Variants in ADGRL2 observed in about 807,000 individuals in gnomAD.
ADGRL2 encodes the protein calcium-independent alpha-latrotoxin receptor 2.
A neutral mutation model predicts 157.4 loss-of-function variants in ADGRL2; 44 were observed. The observed-to-expected ratio is 0.28, with a 90% CI of 0.22 to 0.36. ADGRL2 has a LOEUF of 0.36. Among genes scored for constraint, ADGRL2 ranks in the 10% least tolerant of loss-of-function variants. The probability of loss-of-function intolerance (pLI) is 1.00; values close to 1 mark genes in which losing one functional copy is unlikely to be tolerated. For missense variants in ADGRL2, 1,510 were observed against 1,768.9 expected, an observed-to-expected ratio of 0.85 and a Z score of 2.63; for synonymous variants, 585 against 624.7, an observed-to-expected ratio of 0.94 and a Z score of 0.95.
At chr1:81,836,639 T>A (rs2150189150) in intron 1 of ADGRL2, among the ~76,000 whole-genome samples, 1 of 152,206 alleles carries the variant, frequency 6.6e-6, no homozygotes, top group African/African-American at 2.4e-5. Flanking sequence ...CCTTTGTATA[T>A]GGCATTATTT....
chr1:81,782,366 A>T (rs1571202220), intron 2 of ADGRL2, among the ~76,000 whole-genome samples: 2 of 152,220 alleles, frequency 1.3e-5, no homozygotes, highest in East Asian at 3.9e-4. Flanking sequence ...GTATTATTTT[A>T]TCAGTATAAT....
chr1:81,816,944 A>T (rs1036275876), intron 1 of ADGRL2, among the ~76,000 whole-genome samples: 6 of 149,982 alleles, frequency 4.0e-5, no homozygotes, highest in Non-Finnish European at 8.9e-5. Flanking sequence ...ATGAATGTTG[A>T]ATTCTTAGTT....
chr1:81,568,854 T>A (rs981372444), intron 2 of ADGRL2, among the ~76,000 whole-genome samples: 5 of 152,156 alleles, frequency 3.3e-5, no homozygotes, highest in African/African-American at 1.2e-4. Flanking sequence ...ACCTATGTTC[T>A]TGGATAGCAG....
In ADGRL2 at chr1:81,968,180, TG is replaced by T. The variant is rs761926681; in HGVS notation, c.2506del (p.Ala836ProfsTer67). ...CACCTAACCAATTTTGCAATTCTCA[TG>T]GCCCACAGGGAAATTGCAGTAAGTA... ...CSHLTNFAILMAHREIAYKDG... is the reference protein window; with the variant it reads ...CSHLTNFAILXAHREIAYKDG... On this transcript the variant is annotated frameshift_variant, in exon 14 of 24. Transcript: ENST00000686636. LOFTEE classifies it high-confidence loss of function. 6.2e-7 allele frequency: 1 copy of T among 1,611,946 alleles called. No individual in the cohort carries two copies.
chr1:81,842,483 A>G (rs1428886246), intron 2 of ADGRL2, among the ~76,000 whole-genome samples: 1 of 148,620 alleles, frequency 6.7e-6, no homozygotes, highest in African/African-American at 2.5e-5. Context: ...TCAGCCTCCC[A>G]AGTAGCTGGG....
chr1:81,578,958 CCTT>C (rs1424110267), intron 2 of ADGRL2, among the ~76,000 whole-genome samples: 2 of 152,156 alleles, frequency 1.3e-5, no homozygotes, highest in Non-Finnish European at 1.5e-5. Flanking sequence ...AATGTCCTCT[CCTT>C]CTTGTTAATG....
chr1:81,329,585 T>A (rs2100685324), intron 1 of ADGRL2, among the ~76,000 whole-genome samples: 1 of 152,306 alleles, frequency 6.6e-6, no homozygotes, highest in African/African-American at 2.4e-5. Flanking sequence ...TTAGCTAAGA[T>A]CTTTTAGCTT....
intron 1 of ADGRL2, among the ~76,000 whole-genome samples, chr1:81,429,166 T>C (rs2077274456): frequency 6.6e-6 from 1 of 152,058 alleles, no homozygotes; most frequent in Admixed American, 6.6e-5. Flanking sequence ...TGACCCACTC[T>C]TGTTAGTAGT....
intron 1 of ADGRL2, among the ~76,000 whole-genome samples, chr1:81,746,999 CGT>C (rs1557615719): frequency 3.7e-4 from 53 of 142,890 alleles, no homozygotes; most frequent in South Asian, 9.0e-4. Context: ...TACGTATATA[CGT>C]GTATACACAC....
intron 1 of ADGRL2, among the ~76,000 whole-genome samples, chr1:81,353,824 C>T (rs1339754626): frequency 6.6e-6 from 1 of 152,144 alleles, no homozygotes; most frequent in African/African-American, 2.4e-5. Flanking sequence ...GAAGCCTTGA[C>T]AGGCTAGCTG....
chr1:81,905,249 C>T (rs1238994143), intron 2 of ADGRL2, among the ~76,000 whole-genome samples: 1 of 151,988 alleles, frequency 6.6e-6, no homozygotes, highest in Non-Finnish European at 1.5e-5. Context: ...AGGCATGCGC[C>T]ACCACACCCG....
chr1:81,993,079 ATATATATATTTTTTTTTTTTTT>A lies in ADGRL2; in HGVS notation c.*1936_*1957del, dbSNP rs1433976575. On this transcript the variant is annotated 3_prime_UTR_variant, in exon 24 of 24. Coordinates refer to ENST00000686636, the MANE Select transcript of ADGRL2 (RefSeq NM_001366006.2). ...TATACATATATATATATATATATATATATATATATTTTTTTTTTTTTTTTTTTTTTTTTTTTTTTTGGGACAG... is the reference window on the plus strand; with the variant it reads ...TATACATATATATATATATATATATATTTTTTTTTTTTTTTTTTGGGACAG... Among the ~76,000 whole-genome samples the A allele has an allele frequency of 1.1e-4, 3 of 27,514 alleles. No homozygotes were observed. The highest frequency in any genetic ancestry group is 1.8e-4 in the Non-Finnish European group (3 of 16,370). The allele number at this position is 27,514 out of a possible 152,430, so 18.1% of individuals were successfully genotyped here. A position where few individuals can be genotyped will look rare whatever the true frequency, so the allele number is the denominator to read the frequency against.
chr1:81,802,067 C>T (rs2088264880), intron 1 of ADGRL2, among the ~76,000 whole-genome samples: 1 of 150,270 alleles, frequency 6.7e-6, no homozygotes, highest in South Asian at 2.1e-4. Context: ...CCGTGTCCGG[C>T]CGGGGAGCTG....
At chr1:81,466,033 A>G (rs1054963469) in intron 2 of ADGRL2, among the ~76,000 whole-genome samples, 1 of 152,246 alleles carries the variant, frequency 6.6e-6, no homozygotes, top group African/African-American at 2.4e-5. Context: ...TGAGAAAGAT[A>G]CAGTGTACCA....
intron 2 of ADGRL2, among the ~76,000 whole-genome samples, chr1:81,525,999 C>A (rs12038817): frequency 0.054 from 8,214 of 152,180 alleles, 453 homozygotes; most frequent in East Asian, 0.25. Context: ...GGTGCACAAC[C>A]CATGACACCC....
chr1:81,981,166 A>T, intron 18 of ADGRL2: 1 of 399,800 alleles, frequency 2.5e-6, no homozygotes, highest in Non-Finnish European at 5.2e-6. Context: ...ATCATTAGTT[A>T]GACATGGAAT....
chr1:81,502,502 A>G, intron 2 of ADGRL2: 4 of 1,614,030 alleles, frequency 2.5e-6, no homozygotes, highest in Non-Finnish European at 3.4e-6. Flanking sequence ...CCGAATCCCC[A>G]TCATGGCCAA....
intron 3 of ADGRL2, among the ~76,000 whole-genome samples, chr1:81,597,983 G>T (rs1188263185): frequency 1.3e-5 from 2 of 152,158 alleles, no homozygotes; most frequent in African/African-American, 4.8e-5. Context: ...CAATTAAGGG[G>T]TAAAGAAGCT....
intron 1 of ADGRL2, among the ~76,000 whole-genome samples, chr1:81,440,284 C>A (rs558827939): frequency 1.5e-3 from 223 of 152,316 alleles, no homozygotes; most frequent in African/African-American, 5.1e-3. Flanking sequence ...GTACCCACCC[C>A]TAGCTGCCTA....
Sources: gnomAD v4.1 joint callset for allele counts (sites outside exome capture counted in the v4.1 genomes callset) on GRCh38, gnomAD v4.1.1 for gene constraint, MANE v1.5 for transcripts, NCBI Gene and HGNC (gene_info 2026-07-23, HGNC 2026-07-21) for gene names.